ZFHX3: variants seen among roughly 807,000 people sequenced by gnomAD.
The protein encoded by ZFHX3 is zinc finger homeobox protein 3.
ZFHX3 carries 42 observed loss-of-function variants against 279.1 expected under a neutral mutation model. The ratio of observed to expected loss-of-function variants is 0.15; its 90% confidence interval spans 0.12 to 0.19. ZFHX3 has a LOEUF of 0.19. Ranked by LOEUF, ZFHX3 falls within the 10% of genes least tolerant of loss-of-function variation. ZFHX3 has a pLI of 1.00. For missense variants in ZFHX3, 4,981 were observed against 4,754.0 expected (o/e 1.05, Z -1.40); for synonymous variants, 2,293 against 1,957.8 (o/e 1.17, Z -4.52).
At chr16:73,285,460 T>C (rs1351625357) in intron 4 of ZFHX3, among the ~76,000 whole-genome samples, 2 of 152,204 alleles carry the variant, frequency 1.3e-5, no homozygotes, top group Admixed American at 6.5e-5. Flanking sequence ...ATTCATACTC[T>C]GGGTTGACAT....
At chr16:72,925,513 G>A (rs1959401432) in intron 3 of ZFHX3, among the ~76,000 whole-genome samples, 1 of 152,210 alleles carries the variant, frequency 6.6e-6, no homozygotes, top group Admixed American at 6.5e-5. Flanking sequence ...TGCTGCATAC[G>A]CACGCTGTGG....
chr16:73,297,035 G>A (rs1018925668), intron 4 of ZFHX3, among the ~76,000 whole-genome samples: 1 of 151,524 alleles, frequency 6.6e-6, no homozygotes, highest in Non-Finnish European at 1.5e-5. Flanking sequence ...CCACCACCCT[G>A]CCCGGCTAAT....
chr16:73,761,695 C>G (rs1292746495), intron 1 of ZFHX3, among the ~76,000 whole-genome samples: 2 of 152,168 alleles, frequency 1.3e-5, no homozygotes, highest in Non-Finnish European at 2.9e-5. Context: ...CTGCAACCAT[C>G]TGATCTTCAA....
In ZFHX3 at chr16:73,699,416, A is replaced by C. The variant is rs540060780; in HGVS notation, c.-1607-19176T>G. The stretch of plus-strand genomic sequence containing the variant: ...GTTTTGTGGACTGCCTGTCTGTCTC[A>C]GTCATGTCCCCAGTGGTGTGTGTTT... On this transcript the variant is annotated intron_variant, in intron 1 of 17. Coordinates refer to the ZFHX3 transcript ENST00000641206. Among the ~76,000 whole-genome samples, 395 of 152,340 alleles carry C rather than the reference A, an allele frequency of 2.6e-3. 1 individual carries two copies. Among genetic ancestry groups the C allele is most frequent in the African/African-American group, 9.0e-3 (374 of 41,588 alleles).
chr16:73,304,544 C>G (rs959266365), intron 4 of ZFHX3, among the ~76,000 whole-genome samples: 1 of 152,206 alleles, frequency 6.6e-6, no homozygotes, highest in Admixed American at 6.5e-5. Context: ...ACTCTCTCCC[C>G]GCACATTAGC....
chr16:73,040,885 CG>C (rs1289927628), intron 1 of ZFHX3, among the ~76,000 whole-genome samples: 1 of 152,154 alleles, frequency 6.6e-6, no homozygotes, highest in Middle Eastern at 3.2e-3. Flanking sequence ...ATTTTACAGA[CG>C]AAAGAAGTGA....
intron 5 of ZFHX3, among the ~76,000 whole-genome samples, chr16:73,246,093 G>T (rs1856212095): frequency 6.6e-6 from 1 of 152,146 alleles, no homozygotes; most frequent in South Asian, 2.1e-4. Flanking sequence ...CCCAGCCAAG[G>T]TTTCTTGGTT....
intron 3 of ZFHX3, among the ~76,000 whole-genome samples, chr16:72,909,185 TAAG>T (rs1321340355): frequency 1.3e-5 from 2 of 152,194 alleles, no homozygotes; most frequent in African/African-American, 4.8e-5. Flanking sequence ...CTAGAATTCA[TAAG>T]AATACAGCCT....
intron 3 of ZFHX3, among the ~76,000 whole-genome samples, chr16:73,455,018 CA>C (rs768686823): frequency 1.2e-4 from 19 of 152,128 alleles, no homozygotes; most frequent in Non-Finnish European, 2.6e-4. Flanking sequence ...ACTTATTTTT[CA>C]CACGATTTAC....
chr16:73,852,999 T>G (rs1368616735), intron 1 of ZFHX3, among the ~76,000 whole-genome samples: 1 of 149,374 alleles, frequency 6.7e-6, no homozygotes, highest in Non-Finnish European at 1.5e-5. Flanking sequence ...CAAACAAACA[T>G]GAAAATCTGA....
chr16:73,337,210 C>T (rs889518741), intron 3 of ZFHX3, among the ~76,000 whole-genome samples: 35 of 152,168 alleles, frequency 2.3e-4, no homozygotes, highest in African/African-American at 8.2e-4. Flanking sequence ...TAATCTGACC[C>T]AACCTTCCAT....
rs1491268640 is a variant in ZFHX3 at position 73,337,890 on chromosome 16, GGC to G, written c.-1290-19556_-1290-19555del. Among the ~76,000 whole-genome samples the G allele has an allele frequency of 6.2e-3, 573 of 92,090 alleles. 32 individuals carry two copies. Among genetic ancestry groups the G allele is most frequent in the African/African-American group, 0.018 (535 of 30,548 alleles). 60.4% of individuals were successfully genotyped at this position (92,090 alleles called of 152,430 possible). Reference sequence around the variant, plus strand: ...TTTCAATAAGTCTTCATCTTCCCTTGGCGGGGGGGGGGGTCCTCATCCCCTTT... The same window carrying G: ...TTTCAATAAGTCTTCATCTTCCCTTGGGGGGGGGGGGTCCTCATCCCCTTT... On this transcript the variant is annotated intron_variant, in intron 3 of 17. Transcript: ENST00000641206.
intron 2 of ZFHX3, among the ~76,000 whole-genome samples, chr16:73,478,983 C>T (rs2018817261): frequency 6.6e-6 from 1 of 152,134 alleles, no homozygotes; most frequent in Non-Finnish European, 1.5e-5. Flanking sequence ...ACCCGGGAGG[C>T]AGATGTTGCA....
chr16:73,881,778 C>T (rs966214272), intron 1 of ZFHX3, among the ~76,000 whole-genome samples: 1 of 151,860 alleles, frequency 6.6e-6, no homozygotes, highest in East Asian at 1.9e-4. Context: ...AAGAAGCTGG[C>T]TATTATCTGT....
At chr16:73,471,385 T>C (rs1212952264) in intron 2 of ZFHX3, among the ~76,000 whole-genome samples, 2 of 152,056 alleles carry the variant, frequency 1.3e-5, no homozygotes, top group Non-Finnish European at 2.9e-5. Context: ...ATGTAACCAA[T>C]CTAGTTTGTG....
intron 1 of ZFHX3, among the ~76,000 whole-genome samples, chr16:73,844,668 T>C (rs1166932391): frequency 6.6e-6 from 1 of 151,466 alleles, no homozygotes; most frequent in African/African-American, 2.4e-5. Context: ...GACAGGAAGA[T>C]GATAGACATG....
chr16:72,998,057 T>C (rs1214179378), intron 1 of ZFHX3, among the ~76,000 whole-genome samples: 1 of 151,736 alleles, frequency 6.6e-6, no homozygotes, highest in Non-Finnish European at 1.5e-5. Flanking sequence ...ACTCCCGTGA[T>C]TTAAAGCAAG....
At chr16:73,781,052 C>G (rs1959452719) in intron 1 of ZFHX3, among the ~76,000 whole-genome samples, 2 of 152,064 alleles carry the variant, frequency 1.3e-5, no homozygotes, top group African/African-American at 2.4e-5. Flanking sequence ...TTATGATGAA[C>G]AAAAGAGAAA....
intron 3 of ZFHX3, among the ~76,000 whole-genome samples, chr16:72,906,012 T>C (rs561030782): frequency 1.3e-5 from 2 of 152,156 alleles, no homozygotes; most frequent in East Asian, 3.9e-4. Context: ...ATTCTCTACA[T>C]GGGGTCAGAG....
Sources: gnomAD v4.1 joint callset for allele counts (sites outside exome capture counted in the v4.1 genomes callset) on GRCh38, gnomAD v4.1.1 for gene constraint, MANE v1.5 for transcripts, NCBI Gene and HGNC (gene_info 2026-07-23, HGNC 2026-07-21) for gene names.